The following ZNF438 variants were observed in gnomAD, a reference collection of about 807,000 sequenced individuals.
ZNF438 encodes the protein zinc finger protein 438.
In ZNF438, 25 loss-of-function variants were observed where a neutral mutation model predicts 38.0. The ratio of observed to expected loss-of-function variants is 0.66; its 90% CI spans 0.48 to 0.92. ZNF438 has a LOEUF of 0.92. Among genes scored for constraint, ZNF438 ranks in the 40% least tolerant of loss-of-function variants. ZNF438 has a pLI of 0.00. For missense variants in ZNF438, 1,007 were observed against 999.6 expected, an observed-to-expected ratio of 1.01 and a Z score of -0.10; for synonymous variants, 372 against 364.1, an observed-to-expected ratio of 1.02 and a Z score of -0.25.
rs76802944 is a variant in ZNF438 at position 30,904,750 on chromosome 10, G to A, written c.-32+4183C>T. Among the ~76,000 whole-genome samples the A allele has an allele frequency of 5.9e-3, 900 of 152,222 alleles. 8 individuals carry two copies. Among genetic ancestry groups the A allele is most frequent in the African/African-American group, 0.021 (867 of 41,536 alleles). On this transcript the variant is annotated intron_variant, in intron 3 of 5. Transcript: ENST00000413025. The stretch of plus-strand genomic sequence containing the variant: ...AACACCCCATGACTCTCTCAACAGA[G>A]TCTTTACACCTGTTGGCCCCCCATT...
In ZNF438 at chr10:30,848,676, CA is replaced by C. The variant is rs769389545; in HGVS notation, c.1728del (p.Phe576LeufsTer11). The C allele has an allele frequency of 6.2e-7, 1 of 1,613,986 alleles. No individual in the cohort carries two copies. On this transcript the variant is annotated frameshift_variant, in exon 5 of 6. Coordinates refer to ENST00000413025, the Ensembl canonical transcript of ZNF438. LOFTEE classifies it high-confidence loss of function. ...TGGCCAAAATAGACTCGGATGTGGCCAAACACTTTTGCACAAAACTCACAAC... is the reference window on the plus strand; with the variant it reads ...TGGCCAAAATAGACTCGGATGTGGCCAACACTTTTGCACAAAACTCACAAC...
chr10:30,928,766 A>G (rs1386361274), intron 2 of ZNF438, among the ~76,000 whole-genome samples: 2 of 152,108 alleles, frequency 1.3e-5, no homozygotes, highest in Non-Finnish European at 1.5e-5. Context: ...CAATTTTTTC[A>G]GAGAACAAAC....
At chr10:30,871,117 T>C (rs2037343066) in intron 4 of ZNF438, among the ~76,000 whole-genome samples, 1 of 152,156 alleles carries the variant, frequency 6.6e-6, no homozygotes, top group Non-Finnish European at 1.5e-5. Context: ...ATAAACCACT[T>C]TCAGGTTAAA....
At chr10:30,939,487 C>G (rs990071135) in intron 2 of ZNF438, among the ~76,000 whole-genome samples, 1 of 152,170 alleles carries the variant, frequency 6.6e-6, no homozygotes, top group Middle Eastern at 3.2e-3. Context: ...GTGAAACAGT[C>G]CCTGATCTTT....
At chr10:30,961,775 C>G (rs1468689368) in intron 1 of ZNF438, among the ~76,000 whole-genome samples, 1 of 145,432 alleles carries the variant, frequency 6.9e-6, no homozygotes, top group Non-Finnish European at 1.6e-5. Context: ...GTGATCCTAG[C>G]TACTCAGGAG....
chr10:30,876,844 T>G (rs1172569739), intron 4 of ZNF438, among the ~76,000 whole-genome samples, 154 bp downstream of exon 5: 1 of 152,166 alleles, frequency 6.6e-6, no homozygotes, highest in Non-Finnish European at 1.5e-5. Context: ...ACTCAAATTA[T>G]TTACCAAAAG....
At chr10:30,899,116 C>T (rs1228092491) in intron 3 of ZNF438, among the ~76,000 whole-genome samples, 1 of 152,116 alleles carries the variant, frequency 6.6e-6, no homozygotes, top group Non-Finnish European at 1.5e-5. Context: ...TCTTCCTCAC[C>T]AGACTCAAAA....
At chr10:30,986,122 T>C (rs577363606) in intron 1 of ZNF438, among the ~76,000 whole-genome samples, 6 of 152,200 alleles carry the variant, frequency 3.9e-5, no homozygotes, top group East Asian at 1.9e-4. Context: ...TATAGATTCA[T>C]ATCAGTACAC....
intron 1 of ZNF438, among the ~76,000 whole-genome samples, chr10:31,013,174 CCG>C (rs1226765695): frequency 3.9e-5 from 6 of 152,160 alleles, no homozygotes; most frequent in East Asian, 1.9e-4. Flanking sequence ...AAAAAATTAG[CCG>C]CGCGCGGTGG....
At chr10:30,882,743 C>T (rs2039433429) in intron 3 of ZNF438, among the ~76,000 whole-genome samples, 1 of 152,098 alleles carries the variant, frequency 6.6e-6, no homozygotes, top group Admixed American at 6.5e-5. Flanking sequence ...ATATACCCAT[C>T]CATCGAGGTG....
chr10:30,875,649 G>T, intron 4 of ZNF438: 1 of 924,578 alleles, frequency 1.1e-6, no homozygotes, highest in East Asian at 1.2e-4. Flanking sequence ...TCTAGTTGGG[G>T]TTTGCCCATC....
intron 3 of ZNF438, among the ~76,000 whole-genome samples, chr10:30,888,307 A>AATACCTTCAGGCCC (rs1315937057): frequency 6.7e-6 from 1 of 148,818 alleles, no homozygotes; most frequent in African/African-American, 2.5e-5. Context: ...AGAGAACCCA[A>AATACCTTCAGGCCC]ATACCTTCAG....
intron 1 of ZNF438, among the ~76,000 whole-genome samples, chr10:30,950,170 G>A (rs1340075642): frequency 3.3e-5 from 5 of 150,486 alleles, no homozygotes; most frequent in African/African-American, 1.2e-4. Context: ...ACGAAATGAA[G>A]GCAGAAATAA....
intron 1 of ZNF438, among the ~76,000 whole-genome samples, chr10:30,949,659 C>T (rs1203846966): frequency 6.6e-6 from 1 of 152,254 alleles, no homozygotes; most frequent in South Asian, 2.1e-4. Flanking sequence ...AAGGCCATTA[C>T]ATAATGGTAA....
chr10:30,930,838 A>T (rs1345414264), intron 2 of ZNF438, among the ~76,000 whole-genome samples: 2 of 118,232 alleles, frequency 1.7e-5, no homozygotes, highest in African/African-American at 6.1e-5. Flanking sequence ...AAAAAAAGCA[A>T]ATGGTTCTTT....
intron 4 of ZNF438, among the ~76,000 whole-genome samples, chr10:30,860,026 G>C (rs143678808): frequency 6.6e-6 from 1 of 151,990 alleles, no homozygotes; most frequent in Non-Finnish European, 1.5e-5. Flanking sequence ...ATTAGCCATA[G>C]AATCTAGAAT....
chr10:30,975,060 A>AC (rs2051182313), intron 1 of ZNF438, among the ~76,000 whole-genome samples: 1 of 152,172 alleles, frequency 6.6e-6, no homozygotes, highest in South Asian at 2.1e-4. Context: ...CCACTAAAAA[A>AC]GAAAAAAAAA....
exon 6 of ZNF438, chr10:30,845,242 C>T (rs2031649315): frequency 6.2e-7 from 1 of 1,614,064 alleles, no homozygotes; most frequent in South Asian, 1.1e-5. Context: ...ATTTCCACGC[C>T]ATTCTGATGA....
chr10:30,893,416 G>A (rs937614754), intron 3 of ZNF438, among the ~76,000 whole-genome samples: 1 of 152,158 alleles, frequency 6.6e-6, no homozygotes, highest in Non-Finnish European at 1.5e-5. Flanking sequence ...AAGGAAGTGA[G>A]CATTAGTGTT....
Sources: gnomAD v4.1 joint callset for allele counts (sites outside exome capture counted in the v4.1 genomes callset) on GRCh38, gnomAD v4.1.1 for gene constraint, MANE v1.5 for transcripts, NCBI Gene and HGNC (gene_info 2026-07-23, HGNC 2026-07-21) for gene names.